PDE7A: variants seen among roughly 807,000 people sequenced by gnomAD.
PDE7A encodes the protein phosphodiesterase 7A, also known as high affinity 3',5'-cyclic-AMP phosphodiesterase 7A.
A neutral mutation model predicts 64.3 loss-of-function variants in PDE7A; 39 were observed. That is an observed-to-expected ratio of 0.61 (90% CI 0.47 to 0.79). The LOEUF is 0.79. Ranked by LOEUF, PDE7A falls within the 30% of genes least tolerant of loss-of-function variation. PDE7A has a pLI of 0.00. For synonymous variants in PDE7A, 203 were observed against 206.8 expected (o/e 0.98, Z 0.16); for missense variants, 470 against 582.8 (o/e 0.81, Z 1.99).
chr8:65,831,931 A>C (rs1406197126), intron 1 of PDE7A, among the ~76,000 whole-genome samples: 1 of 152,258 alleles, frequency 6.6e-6, no homozygotes, highest in African/African-American at 2.4e-5. Flanking sequence ...AAGAAGTTAA[A>C]AATAACTTAT....
intron 7 of PDE7A, among the ~76,000 whole-genome samples, chr8:65,732,360 C>G (rs948482114): frequency 6.6e-6 from 1 of 152,126 alleles, no homozygotes; most frequent in African/African-American, 2.4e-5. Context: ...GCCTCCCCCA[C>G]TAGGATGTAC....
chr8:65,752,588 T>C (rs78030240), intron 3 of PDE7A, among the ~76,000 whole-genome samples: 2,390 of 152,318 alleles, frequency 0.016, 68 homozygotes, highest in African/African-American at 0.053. Context: ...ATTCTTTCTT[T>C]CTCTTTAAAG....
intron 1 of PDE7A, among the ~76,000 whole-genome samples, chr8:65,792,344 C>A (rs913017593): frequency 4.6e-5 from 7 of 152,154 alleles, no homozygotes; most frequent in Non-Finnish European, 8.8e-5. Context: ...AAAAGCAGAC[C>A]TCACTATTTT....
chr8:65,826,552 C>A (rs755807536), intron 1 of PDE7A, among the ~76,000 whole-genome samples: 3 of 152,140 alleles, frequency 2.0e-5, no homozygotes, highest in Non-Finnish European at 4.4e-5. Context: ...ATTTACAAAG[C>A]TGCTTTTTCT....
In PDE7A at chr8:65,715,717, G is replaced by T. The variant is rs1359799999; in HGVS notation, c.*3573C>A. Among the ~76,000 whole-genome samples the T allele has an allele frequency of 6.9e-6, 1 of 145,664 alleles. No homozygotes were observed. Among genetic ancestry groups the T allele is most frequent in the East Asian group, 2.3e-4 (1 of 4,404 alleles). The stretch of plus-strand genomic sequence containing the variant: ...AAAAAATTAGCTGGCCGGGCACGGT[G>T]GCTCACGCCTGTAATCCCAGCACTA... On this transcript the variant is annotated 3_prime_UTR_variant, in exon 13 of 13. Transcript: ENST00000401827.
intron 1 of PDE7A, among the ~76,000 whole-genome samples, chr8:65,805,076 T>G (rs566456418): frequency 2.2e-4 from 34 of 152,278 alleles, no homozygotes; most frequent in Admixed American, 2.0e-3. Flanking sequence ...ACTCCTGGAC[T>G]CAAGCAATCC....
chr8:65,826,527 G>C (rs1810678227), intron 1 of PDE7A, among the ~76,000 whole-genome samples: 1 of 152,122 alleles, frequency 6.6e-6, no homozygotes, highest in South Asian at 2.1e-4. Context: ...GTATCAAAAT[G>C]TATTGCAACT....
At chr8:65,827,069 C>T (rs1005665228) in intron 1 of PDE7A, among the ~76,000 whole-genome samples, 10 of 152,148 alleles carry the variant, frequency 6.6e-5, no homozygotes, top group Admixed American at 2.0e-4. Context: ...GACCCTTACT[C>T]CAAATAAGGT....
chr8:65,779,613 A>G, intron 3 of PDE7A, 107 bp downstream of exon 3: 1 of 619,058 alleles, frequency 1.6e-6, no homozygotes, highest in Non-Finnish European at 2.8e-6. Context: ...AACATTCCAA[A>G]CATAATAGAG....
At chr8:65,805,794 G>C (rs1236441263) in intron 1 of PDE7A, among the ~76,000 whole-genome samples, 20 of 152,140 alleles carry the variant, frequency 1.3e-4, no homozygotes, top group Admixed American at 1.3e-3. Flanking sequence ...TGAGAAACTG[G>C]ATATGTTAGC....
chr8:65,808,133 G>A (rs966639733), intron 1 of PDE7A, among the ~76,000 whole-genome samples: 1 of 152,102 alleles, frequency 6.6e-6, no homozygotes, highest in African/African-American at 2.4e-5. Flanking sequence ...AATCTCTATT[G>A]AAGTATAGAG....
chr8:65,752,944 T>C (rs1232351217), intron 3 of PDE7A, among the ~76,000 whole-genome samples: 2 of 152,230 alleles, frequency 1.3e-5, no homozygotes, highest in Non-Finnish European at 2.9e-5. Flanking sequence ...ATGATATATT[T>C]AAATTTTACT....
chr8:65,826,289 T>C (rs1330839649), intron 1 of PDE7A, among the ~76,000 whole-genome samples: 1 of 152,168 alleles, frequency 6.6e-6, no homozygotes, highest in African/African-American at 2.4e-5. Flanking sequence ...AACCAAATTG[T>C]GGAGGTAGAA....
intron 1 of PDE7A, chr8:65,788,967 A>T (rs773745765): frequency 1.1e-5 from 18 of 1,609,910 alleles, no homozygotes; most frequent in Non-Finnish European, 8.5e-7. Flanking sequence ...CCCGCTGCAT[A>T]ATCTCTCTCT....
intron 1 of PDE7A, among the ~76,000 whole-genome samples, chr8:65,826,992 G>A (rs934543579): frequency 2.0e-5 from 3 of 152,164 alleles, no homozygotes; most frequent in Non-Finnish European, 2.9e-5. Flanking sequence ...GGACTCCAGA[G>A]ATACCACTCA....
chr8:65,757,875 C>T (rs896742633), intron 3 of PDE7A, among the ~76,000 whole-genome samples: 1 of 152,174 alleles, frequency 6.6e-6, no homozygotes, highest in African/African-American at 2.4e-5. Context: ...CCTTGGCCTC[C>T]CAAAGTGCTG....
intron 1 of PDE7A, among the ~76,000 whole-genome samples, chr8:65,798,206 A>ATATATATATATATATATAT: frequency 6.8e-5 from 5 of 73,808 alleles, no homozygotes; most frequent in South Asian, 4.5e-4. Context: ...ATATATATAT[A>ATATATATATATATATATAT]TTTTTTTTTT....
At chr8:65,787,677 C>CA (rs1809597338) in intron 1 of PDE7A, among the ~76,000 whole-genome samples, 1 of 151,644 alleles carries the variant, frequency 6.6e-6, no homozygotes. Context: ...AGGCCAGGTG[C>CA]ATTGTCTCAC....
At chr8:65,732,959 C>T (rs925607865) in intron 7 of PDE7A, among the ~76,000 whole-genome samples, 1 of 152,136 alleles carries the variant, frequency 6.6e-6, no homozygotes, top group African/African-American at 2.4e-5. Flanking sequence ...AGCCATCCGC[C>T]TCAGCCTCCC....
Sources: allele counts gnomAD v4.1 joint callset (sites outside exome capture counted in the v4.1 genomes callset), GRCh38; gene constraint gnomAD v4.1.1; transcripts MANE v1.5; gene names NCBI Gene and HGNC (gene_info 2026-07-23, HGNC 2026-07-21).